Variants in GAB2 observed in about 807,000 individuals in gnomAD.
GAB2 encodes GRB2-associated-binding protein 2.
In GAB2, 26 loss-of-function variants were observed where a neutral mutation model predicts 65.5. The ratio of observed to expected loss-of-function variants is 0.40; its 90% CI spans 0.29 to 0.55. GAB2 has a LOEUF of 0.55. Among genes scored for constraint, GAB2 ranks in the 20% least tolerant of loss-of-function variants. GAB2 has a pLI of 0.53. For missense variants in GAB2, 884 were observed against 875.8 expected (o/e 1.01, Z -0.12); for synonymous variants, 321 against 329.6 (o/e 0.97, Z 0.28).
rs1565168262 is a variant in GAB2 at position 78,346,712 on chromosome 11, TATATATATAA to T, written c.76-65821_76-65812del. On this transcript the variant is annotated intron_variant, in intron 1 of 9. Transcript: ENST00000361507. Reference sequence around the variant, plus strand: ...ATATATATATATATATATATATATATATATATATAATTTTTTTTTTTTTTAGGAAAAGAAA... The same window carrying T: ...ATATATATATATATATATATATATATTTTTTTTTTTTTTTAGGAAAAGAAA... Among the ~76,000 whole-genome samples, 317 of 83,002 alleles carry T rather than the reference TATATATATAA, an allele frequency of 3.8e-3. 9 individuals are homozygous for T. The highest frequency in any genetic ancestry group is 0.018 in the Middle Eastern group (3 of 164). 54.5% of individuals were successfully genotyped at this position (83,002 alleles called of 152,430 possible).
At chr11:78,321,843 C>T (rs947901021) in intron 1 of GAB2, among the ~76,000 whole-genome samples, 1 of 150,946 alleles carries the variant, frequency 6.6e-6, no homozygotes, top group Non-Finnish European at 1.5e-5. Flanking sequence ...GGGCCACACA[C>T]CTACAACAAA....
chr11:78,270,442 G>A (rs974630181), intron 2 of GAB2, among the ~76,000 whole-genome samples: 5 of 152,182 alleles, frequency 3.3e-5, no homozygotes, highest in South Asian at 4.1e-4. Flanking sequence ...ATGGTAAACA[G>A]CTCTGTGACA....
At chr11:78,228,171 G>T (rs34203270) in intron 3 of GAB2, among the ~76,000 whole-genome samples, 2 of 152,078 alleles carry the variant, frequency 1.3e-5, no homozygotes, top group African/African-American at 4.8e-5. Flanking sequence ...ATCTGGCCCC[G>T]ATGCTCTACA....
At chr11:78,338,600 G>A (rs1031963680) in intron 1 of GAB2, among the ~76,000 whole-genome samples, 3 of 152,162 alleles carry the variant, frequency 2.0e-5, no homozygotes, top group Non-Finnish European at 4.4e-5. Context: ...TTATAAAGTA[G>A]GTAGGTGACA....
intron 1 of GAB2, among the ~76,000 whole-genome samples, chr11:78,285,814 C>T (rs1866464072): frequency 6.6e-6 from 1 of 152,206 alleles, no homozygotes. Context: ...GTACAAACAA[C>T]TCTAAGTGTC....
chr11:78,412,759 A>G (rs1433921246), intron 1 of GAB2, among the ~76,000 whole-genome samples: 1 of 152,222 alleles, frequency 6.6e-6, no homozygotes, highest in African/African-American at 2.4e-5. Flanking sequence ...AGGCTTTAGG[A>G]CAAAGCTAGA....
intron 1 of GAB2, among the ~76,000 whole-genome samples, chr11:78,397,574 G>A (rs1012192245): frequency 2.0e-5 from 3 of 151,994 alleles, no homozygotes; most frequent in African/African-American, 7.2e-5. Context: ...AGGAAATGAG[G>A]GCACAGAGGT....
intron 1 of GAB2, among the ~76,000 whole-genome samples, chr11:78,311,932 G>A (rs1260579843): frequency 6.6e-6 from 1 of 152,170 alleles, no homozygotes; most frequent in African/African-American, 2.4e-5. Flanking sequence ...GCAGAGCAGA[G>A]TTCTACCGAC....
At position 78,231,643 on chromosome 11, in the gene GAB2, C is replaced by T. The variant is rs192705151; in HGVS notation, c.621-4592G>A. Among the ~76,000 whole-genome samples the T allele has an allele frequency of 1.8e-3, 280 of 152,282 alleles. 1 individual carries two copies. Among genetic ancestry groups the T allele is most frequent in the African/African-American group, 5.8e-3 (241 of 41,562 alleles). On this transcript the variant is annotated intron_variant, in intron 3 of 9. Transcript: ENST00000361507. Reference sequence around the variant, plus strand: ...GATTACAGGCGTGAGCCACTGTGCCCGGCCTTCCCTTGGCTTTTAAAAATG... The same window carrying T: ...GATTACAGGCGTGAGCCACTGTGCCTGGCCTTCCCTTGGCTTTTAAAAATG...
intron 2 of GAB2, among the ~76,000 whole-genome samples, chr11:78,272,669 TGAG>T (rs1866045892): frequency 6.6e-6 from 1 of 152,210 alleles, no homozygotes; most frequent in African/African-American, 2.4e-5. Context: ...TCCCATTTTC[TGAG>T]GAGAAATTCA....
chr11:78,279,978 G>T (rs1322274925), intron 2 of GAB2, among the ~76,000 whole-genome samples: 2 of 152,170 alleles, frequency 1.3e-5, no homozygotes, highest in African/African-American at 4.8e-5. Context: ...GAGAGTTTGA[G>T]ATGAGCCTAA....
intron 2 of GAB2, among the ~76,000 whole-genome samples, chr11:78,263,616 G>C (rs1865794766): frequency 6.9e-6 from 1 of 145,502 alleles, no homozygotes; most frequent in Non-Finnish European, 1.5e-5. Flanking sequence ...TTGGGCGACA[G>C]AGTGAGACTC....
chr11:78,320,501 T>A (rs1855701822), intron 1 of GAB2, among the ~76,000 whole-genome samples: 1 of 152,194 alleles, frequency 6.6e-6, no homozygotes, highest in Non-Finnish European at 1.5e-5. Context: ...AGGAGTGCTA[T>A]GGCTGGATTT....
chr11:78,371,168 C>A (rs959127872), intron 1 of GAB2, among the ~76,000 whole-genome samples: 2 of 152,318 alleles, frequency 1.3e-5, no homozygotes, highest in Admixed American at 1.3e-4. Context: ...GATAGACACA[C>A]TGAGTCTCAC....
intron 1 of GAB2, among the ~76,000 whole-genome samples, chr11:78,286,117 C>G (rs1471800878): frequency 6.6e-6 from 1 of 152,162 alleles, no homozygotes; most frequent in East Asian, 1.9e-4. Flanking sequence ...AGGTATTATT[C>G]TAATGCTGAG....
intron 1 of GAB2, among the ~76,000 whole-genome samples, chr11:78,284,227 G>C (rs374554973): frequency 6.6e-5 from 10 of 152,286 alleles, no homozygotes; most frequent in East Asian, 5.8e-4. Context: ...TATCAACAAT[G>C]AGCTTGCTTC....
chr11:78,405,915 A>G (rs1262167958), intron 1 of GAB2, among the ~76,000 whole-genome samples: 1 of 152,190 alleles, frequency 6.6e-6, no homozygotes, highest in Non-Finnish European at 1.5e-5. Flanking sequence ...CAAGAGACGA[A>G]ACTGCTAAAC....
At chr11:78,345,966 C>A (rs1236557794) in intron 1 of GAB2, among the ~76,000 whole-genome samples, 2 of 152,138 alleles carry the variant, frequency 1.3e-5, no homozygotes, top group African/African-American at 4.8e-5. Flanking sequence ...TATATTTGAT[C>A]CTCTCCGTAT....
chr11:78,239,031 C>T (rs1158379568), intron 3 of GAB2, among the ~76,000 whole-genome samples: 1 of 151,564 alleles, frequency 6.6e-6, no homozygotes, highest in Non-Finnish European at 1.5e-5. Flanking sequence ...TGCTCAACAC[C>T]ACTAATCATT....
Sources: gnomAD v4.1 joint callset for allele counts (sites outside exome capture counted in the v4.1 genomes callset) on GRCh38, gnomAD v4.1.1 for gene constraint, MANE v1.5 for transcripts, NCBI Gene and HGNC (gene_info 2026-07-23, HGNC 2026-07-21) for gene names.